The following RABGAP1L variants were observed in gnomAD, a reference collection of about 807,000 sequenced individuals.
The protein encoded by RABGAP1L is RAB GTPase activating protein 1 like, also known as rab GTPase-activating protein 1-like.
A neutral mutation model predicts 137.7 loss-of-function variants in RABGAP1L; 63 were observed. The observed-to-expected ratio is 0.46, with a 90% CI of 0.37 to 0.56. The LOEUF (loss-of-function observed/expected upper bound fraction) is 0.56. Ranked by LOEUF, RABGAP1L falls within the 20% of genes least tolerant of loss-of-function variation. The pLI, the probability that RABGAP1L is intolerant of heterozygous loss-of-function variation, is 0.00. For missense variants in RABGAP1L, 1,095 were observed against 1,244.0 expected (o/e 0.88, Z 1.80); for synonymous variants, 431 against 433.7 (o/e 0.99, Z 0.08).
At chr1:174,582,505 T>C (rs1668818559) in intron 13 of RABGAP1L, among the ~76,000 whole-genome samples, 1 of 152,068 alleles carries the variant, frequency 6.6e-6, no homozygotes, top group South Asian at 2.1e-4. Context: ...CTGAGGAGGC[T>C]GAGGCGAGAG....
At chr1:174,274,625 T>TGTGTGTGA (rs1415726141) in intron 8 of RABGAP1L, among the ~76,000 whole-genome samples, 2 of 151,812 alleles carry the variant, frequency 1.3e-5, no homozygotes, top group Non-Finnish European at 2.9e-5. Flanking sequence ...TGTGTGTGTG[T>TGTGTGTGA]GTGTGTGTGT....
At chr1:174,702,763 G>A (rs907433685) in intron 17 of RABGAP1L, among the ~76,000 whole-genome samples, 12 of 152,088 alleles carry the variant, frequency 7.9e-5, no homozygotes, top group African/African-American at 2.9e-4. Context: ...TTTTTATATA[G>A]TAGAATATTT....
chr1:174,577,250 CACACACACACACACAT>C (rs1204797310), intron 13 of RABGAP1L, among the ~76,000 whole-genome samples: 1 of 125,136 alleles, frequency 8.0e-6, no homozygotes, highest in African/African-American at 3.0e-5. Flanking sequence ...CACACACACA[CACACACACACACACAT>C]TGAGAGTCAG....
At chr1:174,812,802 T>C (rs967166510) in intron 19 of RABGAP1L, among the ~76,000 whole-genome samples, 3 of 152,122 alleles carry the variant, frequency 2.0e-5, no homozygotes, top group Non-Finnish European at 2.9e-5. Context: ...ATGATTGTTA[T>C]TAGATAGTCA....
At chr1:174,656,667 GT>G (rs1351974809) in intron 14 of RABGAP1L, among the ~76,000 whole-genome samples, 3 of 152,114 alleles carry the variant, frequency 2.0e-5, no homozygotes, top group African/African-American at 4.8e-5. Flanking sequence ...GATTTGTCTG[GT>G]GATATTATTG....
intron 1 of RABGAP1L, among the ~76,000 whole-genome samples, chr1:174,176,447 C>T (rs1305337400): frequency 6.6e-6 from 1 of 151,946 alleles, no homozygotes; most frequent in East Asian, 1.9e-4. Flanking sequence ...TGGTGGCTCA[C>T]GCCTGTAATC....
intron 17 of RABGAP1L, among the ~76,000 whole-genome samples, chr1:174,711,673 G>GC (rs1680533198): frequency 6.6e-6 from 1 of 152,194 alleles, no homozygotes; most frequent in Non-Finnish European, 1.5e-5. Flanking sequence ...GTGCCCGAGT[G>GC]CCCCCTGGCA....
intron 1 of RABGAP1L, among the ~76,000 whole-genome samples, chr1:174,179,260 C>G (rs1368331106): frequency 6.6e-6 from 1 of 151,944 alleles, no homozygotes; most frequent in Non-Finnish European, 1.5e-5. Context: ...TTAGCTTGTT[C>G]CATTGAGAGA....
intron 13 of RABGAP1L, among the ~76,000 whole-genome samples, chr1:174,513,554 A>T (rs1307969444): frequency 6.6e-6 from 1 of 152,182 alleles, no homozygotes; most frequent in Non-Finnish European, 1.5e-5. Flanking sequence ...TTGAGGCTGC[A>T]GTGAGCCATG....
intron 13 of RABGAP1L, among the ~76,000 whole-genome samples, chr1:174,601,259 C>T (rs907375838): frequency 6.6e-6 from 1 of 152,206 alleles, no homozygotes; most frequent in Non-Finnish European, 1.5e-5. Context: ...GCCTCCAGGC[C>T]TGTGATGGGA....
At position 174,702,164 on chromosome 1, in the gene RABGAP1L, C is replaced by T. The variant is rs528733154; in HGVS notation, c.2077C>T (p.His693Tyr). 20 of 1,612,322 alleles carry T rather than the reference C, an allele frequency of 1.2e-5. No individual in the cohort carries two copies. The African/African-American group carries it at 2.1e-4, about 17-fold the overall frequency. Residue 693 changes from histidine (H) to tyrosine (Y), a missense_variant, in exon 17 of 26, where the codon CAT (histidine) becomes TAT (tyrosine). Physicochemically the swap from His to Tyr is moderately conservative, Grantham distance 83. Around this residue, in one of 4 missense-constraint regions of RABGAP1L, gnomAD observed 312 missense variants for 435.6 expected, o/e 0.72. Coordinates refer to ENST00000681986, the MANE Select transcript of RABGAP1L (RefSeq NM_001366446.1). ...SHFSDLNLEA[H>Y]MYASQWFLTL... ...TTTTTCTGATCTGAACCTGGAAGCT[C>T]ATATGTATGCATCCCAGTGGTTTCT...
At chr1:174,589,889 A>G (rs1478966536) in intron 13 of RABGAP1L, among the ~76,000 whole-genome samples, 1 of 152,090 alleles carries the variant, frequency 6.6e-6, no homozygotes, top group Non-Finnish European at 1.5e-5. Context: ...AAGTCAGGTA[A>G]TGTGAGTTCT....
Position 174,990,064 on chromosome 1 carries a change from T to G in RABGAP1L, c.*63T>G. 6.9e-7 allele frequency: 1 copy of G among 1,439,114 alleles called. No individual in the cohort carries two copies. Among genetic ancestry groups the G allele is most frequent in the Non-Finnish European group, 9.4e-7 (1 of 1,062,146 alleles). The allele number at this position is 1,439,114 out of a possible 1,614,324, so 89.1% of individuals were successfully genotyped here. Reference sequence around the variant, plus strand: ...ACCAATGGAAATCTGGGAGGATTCTTCCTGGTGTCCCTTTGAAGGAAAGTC... The same window carrying G: ...ACCAATGGAAATCTGGGAGGATTCTGCCTGGTGTCCCTTTGAAGGAAAGTC... On this transcript the variant is annotated 3_prime_UTR_variant, in exon 26 of 26. Coordinates refer to ENST00000681986, the MANE Select transcript of RABGAP1L (RefSeq NM_001366446.1).
chr1:174,636,985 T>G (rs1046998456), intron 13 of RABGAP1L, among the ~76,000 whole-genome samples: 2 of 152,208 alleles, frequency 1.3e-5, no homozygotes, highest in Non-Finnish European at 2.9e-5. Flanking sequence ...TATACCTTAT[T>G]TTTAAAAAGT....
intron 3 of RABGAP1L, among the ~76,000 whole-genome samples, chr1:174,226,146 T>G (rs1445763928): frequency 1.3e-5 from 2 of 152,232 alleles, no homozygotes; most frequent in Non-Finnish European, 2.9e-5. Context: ...ACTGCTATTC[T>G]GCAACTCGGA....
At chr1:174,677,075 A>T (rs2148463254) in intron 14 of RABGAP1L, among the ~76,000 whole-genome samples, 1 of 150,690 alleles carries the variant, frequency 6.6e-6, no homozygotes, top group East Asian at 1.9e-4. Context: ...TAATCCAAGC[A>T]CTCTGGATGG....
At chr1:174,598,191 G>T (rs1207536938) in intron 13 of RABGAP1L, among the ~76,000 whole-genome samples, 2 of 152,108 alleles carry the variant, frequency 1.3e-5, no homozygotes, top group Non-Finnish European at 2.9e-5. Flanking sequence ...AGCTGGGCAT[G>T]TTGGTGCATG....
rs746316105 is a variant in RABGAP1L, at chr1:174,448,605, T to A, written c.1710+54460T>A. 1 of 1,614,076 alleles carries A rather than the reference T, an allele frequency of 6.2e-7. No homozygotes were observed. The highest frequency in any genetic ancestry group is 2.2e-5 in the East Asian group (1 of 44,874). ...CGCTTGAGAATTTGCATTATTTTGA[T>A]CTGGATCTACTCCTGCCTAATTTTC... On this transcript the variant is annotated intron_variant, in intron 13 of 25. Coordinates refer to ENST00000681986, the MANE Select transcript of RABGAP1L (RefSeq NM_001366446.1). The surrounding 1 kb of genome is among the most constrained non-coding windows in gnomAD (Gnocchi z 4.2).
At chr1:174,601,833 C>T (rs1213562207) in intron 13 of RABGAP1L, among the ~76,000 whole-genome samples, 2 of 152,078 alleles carry the variant, frequency 1.3e-5, no homozygotes, top group Non-Finnish European at 2.9e-5. Flanking sequence ...TCATCTATCT[C>T]AAGTTCAAAG....
Sources: gnomAD v4.1 joint callset for allele counts (sites outside exome capture counted in the v4.1 genomes callset) on GRCh38, gnomAD v4.1.1 for gene constraint, gnomAD v4.1.1 regional missense constraint, Gnocchi (gnomAD v3.1) non-coding constraint, MANE v1.5 for transcripts, NCBI Gene and HGNC (gene_info 2026-07-23, HGNC 2026-07-21) for gene names.